Variants in LRFN2 observed in about 807,000 individuals in gnomAD.
LRFN2 encodes the protein leucine-rich repeat and fibronectin type-III domain-containing protein 2.
Under a neutral mutation model 37.3 loss-of-function variants are expected in LRFN2, and 18 were observed. The ratio of observed to expected loss-of-function variants is 0.48; its 90% CI spans 0.33 to 0.72. LRFN2 has a LOEUF of 0.72. LRFN2 is among the 30% of genes least tolerant of loss of function. LRFN2 has a pLI of 0.02. For missense variants in LRFN2, 1,006 were observed against 1,060.7 expected (o/e 0.95, Z 0.72); for synonymous variants, 556 against 466.6 (o/e 1.19, Z -2.47).
chr6:40,439,061 A>G (rs1423604804), intron 1 of LRFN2, among the ~76,000 whole-genome samples: 1 of 151,588 alleles, frequency 6.6e-6, no homozygotes, highest in African/African-American at 2.4e-5. Flanking sequence ...TCCTCCCCTC[A>G]CTCCCCTCCC....
chr6:40,450,902 G>A (rs1764087050), intron 1 of LRFN2, among the ~76,000 whole-genome samples: 1 of 152,178 alleles, frequency 6.6e-6, no homozygotes, highest in South Asian at 2.1e-4. Context: ...GGAAGATCAG[G>A]GAAGAATTTC....
chr6:40,516,942 T>C (rs773370281), intron 1 of LRFN2, among the ~76,000 whole-genome samples: 1 of 152,204 alleles, frequency 6.6e-6, no homozygotes, highest in African/African-American at 2.4e-5. Context: ...CTATTTTTTA[T>C]TGTGTGTCTA....
At chr6:40,503,829 G>A (rs1581756903) in intron 1 of LRFN2, among the ~76,000 whole-genome samples, 1 of 152,108 alleles carries the variant, frequency 6.6e-6, no homozygotes, top group South Asian at 2.1e-4. Flanking sequence ...AGTCAGATAA[G>A]AAGAGGACTT....
At chr6:40,499,663 G>A (rs1425905010) in intron 1 of LRFN2, among the ~76,000 whole-genome samples, 3 of 152,110 alleles carry the variant, frequency 2.0e-5, no homozygotes, top group African/African-American at 7.2e-5. Flanking sequence ...TGTGGGCCGA[G>A]GGGAAAGTGG....
chr6:40,402,002 A>C (rs1762750602), intron 2 of LRFN2, among the ~76,000 whole-genome samples: 1 of 152,124 alleles, frequency 6.6e-6, no homozygotes, highest in Non-Finnish European at 1.5e-5. Flanking sequence ...GTTAGCCTTG[A>C]GATCTCAGAC....
At chr6:40,447,887 C>T (rs892889669) in intron 1 of LRFN2, among the ~76,000 whole-genome samples, 8 of 152,182 alleles carry the variant, frequency 5.3e-5, no homozygotes, top group Non-Finnish European at 1.2e-4. Flanking sequence ...GGACTGACCC[C>T]TGTTCTCCTC....
In LRFN2 at chr6:40,426,719, T is replaced by C. The variant is rs544422439; in HGVS notation, c.1400+4995A>G. 9.1e-4 allele frequency among the ~76,000 whole-genome samples: 139 copies of C among 152,318 alleles called. 1 individual carries two copies. The highest frequency in any genetic ancestry group is 3.4e-3 in the Middle Eastern group (1 of 294). Reference sequence around the variant, plus strand: ...CGAATAAGTTAAAGGAGCCATGAGTTCTTTTCTAAGTCCTCTAATCTCCAA... The same window carrying C: ...CGAATAAGTTAAAGGAGCCATGAGTCCTTTTCTAAGTCCTCTAATCTCCAA... On this transcript the variant is annotated intron_variant, in intron 2 of 2. Transcript: ENST00000338305.
At chr6:40,534,088 A>C (rs1020868759) in intron 1 of LRFN2, among the ~76,000 whole-genome samples, 1 of 152,234 alleles carries the variant, frequency 6.6e-6, no homozygotes, top group Non-Finnish European at 1.5e-5. Context: ...CCACAGGGAC[A>C]CAGCTGGTCA....
intron 2 of LRFN2, among the ~76,000 whole-genome samples, 169 bp downstream of exon 2, chr6:40,431,544 TG>T (rs1763481809): frequency 6.6e-6 from 1 of 152,202 alleles, no homozygotes. Flanking sequence ...TTGTAGTTGA[TG>T]TTCTTTTTAT....
intron 1 of LRFN2, among the ~76,000 whole-genome samples, chr6:40,470,627 C>T (rs74294338): frequency 0.054 from 8,177 of 151,058 alleles, 260 homozygotes; most frequent in East Asian, 0.12. Flanking sequence ...AAAAAATAGG[C>T]TGTGTTCTAC....
intron 1 of LRFN2, among the ~76,000 whole-genome samples, chr6:40,465,868 C>T (rs907632439): frequency 6.6e-6 from 1 of 152,122 alleles, no homozygotes; most frequent in Non-Finnish European, 1.5e-5. Flanking sequence ...GCCACTGCTG[C>T]CCTCAGGTAA....
chr6:40,551,716 G>A (rs999284528), intron 1 of LRFN2, among the ~76,000 whole-genome samples: 1 of 152,198 alleles, frequency 6.6e-6, no homozygotes, highest in African/African-American at 2.4e-5. Context: ...AACTACACAG[G>A]ACATGATGCT....
chr6:40,541,679 G>A (rs1178963943), intron 1 of LRFN2, among the ~76,000 whole-genome samples: 2 of 152,108 alleles, frequency 1.3e-5, no homozygotes, highest in East Asian at 3.9e-4. Context: ...TCATTGGCAC[G>A]CTCCCAGACA....
chr6:40,444,070 G>T (rs1763907138), intron 1 of LRFN2, among the ~76,000 whole-genome samples: 2 of 152,214 alleles, frequency 1.3e-5, no homozygotes, highest in African/African-American at 2.4e-5. Flanking sequence ...AGGCCAAGGG[G>T]TAAGGAAACT....
At chr6:40,485,558 T>C (rs1346260887) in intron 1 of LRFN2, among the ~76,000 whole-genome samples, 1 of 152,160 alleles carries the variant, frequency 6.6e-6, no homozygotes, top group African/African-American at 2.4e-5. Flanking sequence ...AGTGACAAGA[T>C]AAACTCCTCC....
At chr6:40,526,490 C>G (rs1021477642) in intron 1 of LRFN2, among the ~76,000 whole-genome samples, 3 of 152,142 alleles carry the variant, frequency 2.0e-5, no homozygotes, top group Admixed American at 1.3e-4. Flanking sequence ...TGAATGAGTA[C>G]CTGTCTTTAG....
intron 1 of LRFN2, among the ~76,000 whole-genome samples, chr6:40,542,349 T>C (rs1766570854): frequency 6.6e-6 from 1 of 151,874 alleles, no homozygotes; most frequent in South Asian, 2.1e-4. Flanking sequence ...TCATTAAGGA[T>C]GCAGCCTAAG....
intron 1 of LRFN2, among the ~76,000 whole-genome samples, chr6:40,469,464 C>A (rs908390392): frequency 2.0e-5 from 3 of 152,192 alleles, no homozygotes; most frequent in African/African-American, 7.2e-5. Context: ...AGAAAGGCCA[C>A]GAGCAGGGCT....
intron 2 of LRFN2, among the ~76,000 whole-genome samples, chr6:40,395,708 G>A (rs1180865857): frequency 1.3e-5 from 2 of 152,170 alleles, no homozygotes; most frequent in Non-Finnish European, 2.9e-5. Flanking sequence ...GCAACTCCCC[G>A]ACACAGCTGC....
Sources: gnomAD v4.1 joint callset for allele counts (sites outside exome capture counted in the v4.1 genomes callset) on GRCh38, gnomAD v4.1.1 for gene constraint, MANE v1.5 for transcripts, NCBI Gene and HGNC (gene_info 2026-07-23, HGNC 2026-07-21) for gene names.